Variants in TENM4 observed in about 807,000 individuals in gnomAD.
The protein encoded by TENM4 is teneurin transmembrane protein 4.
Under a neutral mutation model 243.3 loss-of-function variants are expected in TENM4, and 82 were observed. The ratio of observed to expected loss-of-function variants is 0.34; its 90% CI spans 0.28 to 0.40. The LOEUF (loss-of-function observed/expected upper bound fraction) is 0.40. Among genes scored for constraint, TENM4 ranks in the 10% least tolerant of loss-of-function variants. The probability of loss-of-function intolerance (pLI) is 1.00; values close to 1 mark genes in which losing one functional copy is unlikely to be tolerated. For synonymous variants in TENM4, 1,412 were observed against 1,456.3 expected (o/e 0.97, Z 0.69); for missense variants, 3,138 against 3,673.3 (o/e 0.85, Z 3.77).
intron 32 of TENM4, among the ~76,000 whole-genome samples, chr11:78,663,368 T>C (rs983103680): frequency 6.6e-5 from 10 of 152,182 alleles, no homozygotes; most frequent in Non-Finnish European, 1.2e-4. Context: ...CCTCCAAATC[T>C]CATGGTGAAA....
chr11:79,326,821 C>A (rs1856982553), intron 1 of TENM4, among the ~76,000 whole-genome samples: 1 of 152,198 alleles, frequency 6.6e-6, no homozygotes, highest in Non-Finnish European at 1.5e-5. Flanking sequence ...GGGAAGGAAC[C>A]AGGTCTATTT....
chr11:79,341,530 G>A (rs1857241898), intron 1 of TENM4, among the ~76,000 whole-genome samples: 1 of 152,206 alleles, frequency 6.6e-6, no homozygotes, highest in Admixed American at 6.5e-5. Flanking sequence ...TACAGGTCAT[G>A]AACATGACAG....
intron 15 of TENM4, among the ~76,000 whole-genome samples, chr11:78,801,487 A>G (rs1298017348): frequency 6.6e-6 from 1 of 152,200 alleles, no homozygotes; most frequent in Admixed American, 6.6e-5. Flanking sequence ...GTTGCCAGGA[A>G]GCCAGGGAAC....
At chr11:79,319,539 T>C (rs548414263) in intron 1 of TENM4, among the ~76,000 whole-genome samples, 1 of 152,248 alleles carries the variant, frequency 6.6e-6, no homozygotes, top group South Asian at 2.1e-4. Context: ...AAGTCAAGTA[T>C]GTGCAACTTA....
At position 78,862,891 on chromosome 11, in the gene TENM4, C is replaced by T. The variant is rs116586368; in HGVS notation, c.1255+71G>A. ...GTGAGCCAGGCACATGATGCACGCA[C>T]GTTATGGAGGGCTCTTCAGCTCAGA... On this transcript the variant is annotated intron_variant, in intron 10 of 33. Coordinates refer to ENST00000278550, the MANE Select transcript of TENM4 (RefSeq NM_001098816.3). 5.2e-5 allele frequency: 68 copies of T among 1,309,028 alleles called. 1 individual carries two copies. Among genetic ancestry groups the T allele is most frequent in the African/African-American group, 3.0e-4 (20 of 66,512 alleles). The allele number at this position is 1,309,028 out of a possible 1,614,324, so 81.1% of individuals were successfully genotyped here. A position where few individuals can be genotyped will look rare whatever the true frequency, so the allele number is the denominator to read the frequency against.
At chr11:78,775,832 A>G (rs1856730309) in intron 17 of TENM4, among the ~76,000 whole-genome samples, 1 of 152,224 alleles carries the variant, frequency 6.6e-6, no homozygotes, top group Non-Finnish European at 1.5e-5. Context: ...TTCAAAAGAA[A>G]TGATGCCCTT....
chr11:78,972,277 A>T (rs1857560676), intron 6 of TENM4, among the ~76,000 whole-genome samples: 2 of 151,818 alleles, frequency 1.3e-5, no homozygotes, highest in Non-Finnish European at 2.9e-5. Flanking sequence ...TGTGGGTCTT[A>T]CTCCCCTGGT....
Position 79,397,493 on chromosome 11 carries a change from C to T in TENM4, c.-321+43016G>A, listed in dbSNP as rs538686027. Among the ~76,000 whole-genome samples the T allele has an allele frequency of 7.2e-5, 11 of 152,260 alleles. No individual in the cohort carries two copies. The South Asian group carries it at 1.5e-3, about 20-fold the overall frequency. Reference sequence around the variant, plus strand: ...AGATGTGTCACTCCTGCTTCTTCTCCGGATACCATTTCCTGAGTTAACTGG... The same window carrying T: ...AGATGTGTCACTCCTGCTTCTTCTCTGGATACCATTTCCTGAGTTAACTGG... On this transcript the variant is annotated intron_variant, in intron 1 of 33. Transcript: ENST00000278550.
At chr11:78,729,303 G>T in intron 22 of TENM4, 73 bp downstream of exon 22, 1 of 1,448,462 alleles carries the variant, frequency 6.9e-7, no homozygotes. Flanking sequence ...AAGGAAGGAA[G>T]AAGGAACTAG....
At chr11:78,706,645 A>AT (rs1015890533) in intron 27 of TENM4, among the ~76,000 whole-genome samples, 2 of 151,900 alleles carry the variant, frequency 1.3e-5, no homozygotes, top group African/African-American at 2.4e-5. Context: ...GGGTTTTAGC[A>AT]TTTTTTTCCC....
intron 6 of TENM4, among the ~76,000 whole-genome samples, chr11:78,943,624 CA>C (rs1856949932): frequency 2.0e-5 from 3 of 152,058 alleles, no homozygotes; most frequent in Admixed American, 2.0e-4. Flanking sequence ...ATTTAAAAAC[CA>C]TTTTTTTTTC....
At chr11:78,943,192 C>CA (rs1352722989) in intron 6 of TENM4, among the ~76,000 whole-genome samples, 1 of 152,238 alleles carries the variant, frequency 6.6e-6, no homozygotes, top group Non-Finnish European at 1.5e-5. Flanking sequence ...CTGTAGGTGG[C>CA]AACCCCCAAG....
intron 6 of TENM4, among the ~76,000 whole-genome samples, chr11:79,008,640 G>A (rs1858554927): frequency 6.6e-6 from 1 of 152,088 alleles, no homozygotes; most frequent in Admixed American, 6.5e-5. Context: ...TAAAGTGGTA[G>A]TACTATTTTC....
intron 6 of TENM4, among the ~76,000 whole-genome samples, chr11:79,031,977 C>G (rs748336600): frequency 2.0e-5 from 3 of 152,162 alleles, no homozygotes; most frequent in Non-Finnish European, 4.4e-5. Flanking sequence ...TTGTCTGGCT[C>G]CAAATGTGAG....
intron 1 of TENM4, among the ~76,000 whole-genome samples, chr11:79,347,399 G>C (rs1857342747): frequency 6.6e-6 from 1 of 152,174 alleles, no homozygotes; most frequent in African/African-American, 2.4e-5. Context: ...TGGACCTCAG[G>C]ACAAGGCTAT....
chr11:79,236,307 C>G (rs908816935), intron 2 of TENM4, among the ~76,000 whole-genome samples: 6 of 152,202 alleles, frequency 3.9e-5, no homozygotes, highest in African/African-American at 1.2e-4. Context: ...GACATTCCTG[C>G]CTTCTAGTCG....
intron 2 of TENM4, among the ~76,000 whole-genome samples, chr11:79,261,061 T>G (rs1431053770): frequency 2.0e-5 from 3 of 152,192 alleles, no homozygotes; most frequent in Non-Finnish European, 4.4e-5. Flanking sequence ...TGAGTGACAA[T>G]TTGCCATGAG....
intron 18 of TENM4, among the ~76,000 whole-genome samples, chr11:78,766,106 T>C (rs1487764441): frequency 4.6e-5 from 7 of 152,204 alleles, no homozygotes; most frequent in South Asian, 2.1e-4. Context: ...ATATCTGTAG[T>C]TGATAAACTA....
At chr11:79,062,371 G>T (rs2136976614) in intron 6 of TENM4, among the ~76,000 whole-genome samples, 1 of 144,204 alleles carries the variant, frequency 6.9e-6, no homozygotes, top group South Asian at 2.2e-4. Flanking sequence ...GGGCCTACAG[G>T]TCATTTCATT....
Sources: gnomAD v4.1 joint callset for allele counts (sites outside exome capture counted in the v4.1 genomes callset) on GRCh38, gnomAD v4.1.1 for gene constraint, MANE v1.5 for transcripts, NCBI Gene and HGNC (gene_info 2026-07-23, HGNC 2026-07-21) for gene names.